VPS13B: variants seen among roughly 807,000 people sequenced by gnomAD.
The protein encoded by VPS13B is intermembrane lipid transfer protein VPS13B.
VPS13B carries 285 observed loss-of-function variants against 426.4 expected under a neutral mutation model. The ratio of observed to expected loss-of-function variants is 0.67; its 90% CI spans 0.61 to 0.74. The LOEUF (loss-of-function observed/expected upper bound fraction) is 0.74. Ranked by LOEUF, VPS13B falls within the 30% of genes least tolerant of loss-of-function variation. The pLI, the probability that VPS13B is intolerant of heterozygous loss-of-function variation, is 0.00. For missense variants in VPS13B, 4,537 were observed against 4,782.6 expected (o/e 0.95, Z 1.51); for synonymous variants, 1,676 against 1,676.4 (o/e 1.00, Z 0.01).
At chr8:99,083,277 G>C (rs1233492473) in intron 3 of VPS13B, among the ~76,000 whole-genome samples, 1 of 152,084 alleles carries the variant, frequency 6.6e-6, no homozygotes, top group African/African-American at 2.4e-5. Flanking sequence ...TTGGTGTATA[G>C]GAATGCTTGT....
chr8:99,512,728 G>T (rs1343292556), intron 29 of VPS13B, among the ~76,000 whole-genome samples: 1 of 152,288 alleles, frequency 6.6e-6, no homozygotes, highest in South Asian at 2.1e-4. Context: ...AAAGACCATG[G>T]GCTGGGCACG....
intron 19 of VPS13B, among the ~76,000 whole-genome samples, chr8:99,277,664 C>T (rs557729481): frequency 6.6e-6 from 1 of 152,272 alleles, no homozygotes; most frequent in South Asian, 2.1e-4. Context: ...CACATATTGA[C>T]ACTTCTTACT....
chr8:99,038,615 A>ATT (rs1294428056), intron 3 of VPS13B, 49 bp downstream of exon 3: 2 of 1,505,330 alleles, frequency 1.3e-6, no homozygotes, highest in Middle Eastern at 2.1e-4. Flanking sequence ...TTTTAGTAGT[A>ATT]TTTGACATTT....
At chr8:99,044,685 T>C (rs1432435011) in intron 3 of VPS13B, among the ~76,000 whole-genome samples, 1 of 152,152 alleles carries the variant, frequency 6.6e-6, no homozygotes, top group East Asian at 1.9e-4. Flanking sequence ...GTCATTCTTA[T>C]TCCTTTGCAT....
chr8:99,509,848 AT>A (rs145850993), intron 28 of VPS13B, among the ~76,000 whole-genome samples: 28,136 of 151,988 alleles, frequency 0.19, 3,070 homozygotes, highest in East Asian at 0.38. Context: ...GTTGAGGAAG[AT>A]TTTTTTCAAG....
chr8:99,597,556 T>C (rs1588534121), intron 33 of VPS13B, among the ~76,000 whole-genome samples: 1 of 152,090 alleles, frequency 6.6e-6, no homozygotes, highest in Middle Eastern at 3.4e-3. Context: ...TCTACAGATT[T>C]CTGGGAAAGT....
At chr8:99,653,187 T>G (rs1829890689) in intron 34 of VPS13B, among the ~76,000 whole-genome samples, 1 of 152,192 alleles carries the variant, frequency 6.6e-6, no homozygotes, top group African/African-American at 2.4e-5. Flanking sequence ...TTTATGAAAT[T>G]AAGTGGAAAT....
At chr8:99,188,403 G>A (rs1225207128) in intron 16 of VPS13B, among the ~76,000 whole-genome samples, 1 of 152,136 alleles carries the variant, frequency 6.6e-6, no homozygotes, top group African/African-American at 2.4e-5. Context: ...TATATAGCAT[G>A]TATCAGTATT....
At chr8:99,634,191 G>A (rs1428509831) in intron 33 of VPS13B, among the ~76,000 whole-genome samples, 1 of 151,938 alleles carries the variant, frequency 6.6e-6, no homozygotes, top group Non-Finnish European at 1.5e-5. Context: ...ACTTACCTAT[G>A]TGCCCATGTT....
intron 39 of VPS13B, 37 bp downstream of exon 39, chr8:99,721,084 G>A (rs930119634): frequency 6.2e-7 from 1 of 1,604,032 alleles, no homozygotes; most frequent in Admixed American, 1.7e-5. Context: ...TGAAAACATT[G>A]TGGGAAAGGG....
intron 22 of VPS13B, among the ~76,000 whole-genome samples, chr8:99,434,306 A>C (rs1817264488): frequency 6.6e-6 from 1 of 152,174 alleles, no homozygotes; most frequent in Non-Finnish European, 1.5e-5. Flanking sequence ...AACTAGAGTG[A>C]GTTTGGAAGT....
chr8:99,102,937 T>C lies in VPS13B; in HGVS notation c.413-16T>C. ...GAGATTTGTGGCTAATTAAATTCTT[T>C]TTTTCTATTTTATAGGTTATGTGCA... On this transcript the variant is annotated splice_polypyrimidine_tract_variant and intron_variant, in intron 4 of 61. Coordinates refer to ENST00000357162, the MANE Select transcript of VPS13B (RefSeq NM_152564.5). 1.3e-6 allele frequency: 2 copies of C among 1,588,410 alleles called. No homozygotes were observed. The highest frequency in any genetic ancestry group is 1.7e-6 in the Non-Finnish European group (2 of 1,158,130).
At chr8:99,193,460 G>T (rs1234413682) in intron 17 of VPS13B, among the ~76,000 whole-genome samples, 2 of 152,018 alleles carry the variant, frequency 1.3e-5, no homozygotes, top group African/African-American at 2.4e-5. Context: ...TTTTGTGTGT[G>T]TGTGTGAAAA....
At chr8:99,120,631 T>A (rs1484282068) in intron 7 of VPS13B, 2 of 152,480 alleles carry the variant, frequency 1.3e-5, no homozygotes, top group South Asian at 2.1e-4. Flanking sequence ...TAACTACATA[T>A]AAAAGTTGTT....
rs1333115796 is a variant in VPS13B at position 99,778,872 on chromosome 8, A to C, written c.7620A>C (p.Gln2540His). 17 of 1,613,892 alleles carry C rather than the reference A, an allele frequency of 1.1e-5. No homozygotes were observed. The highest frequency in any genetic ancestry group is 1.4e-5 in the Non-Finnish European group (17 of 1,179,934). The change falls in exon 42 of 62, where the codon CAA (glutamine) becomes CAC (histidine). Residue 2540 changes from glutamine (Q) to histidine (H), a missense_variant. Physicochemically the swap from Gln to His is conservative, Grantham distance 24. This residue lies in a region of VPS13B where 4,311 missense variants were observed against 4,474.3 expected (regional missense o/e 0.96). Coordinates refer to ENST00000357162, the MANE Select transcript of VPS13B (RefSeq NM_152564.5). ...TAGAGTGCAGAAATGTCACTATGCA[A>C]AGTGTGGTGAAACCCTTCAGCATCT... ...KLLECRNVTM[Q>H]SVVKPFSIFG... is the part of the protein sequence containing the mutation.
At chr8:99,125,945 A>G (rs1848170503) in intron 8 of VPS13B, among the ~76,000 whole-genome samples, 1 of 151,402 alleles carries the variant, frequency 6.6e-6, no homozygotes, top group South Asian at 2.1e-4. Flanking sequence ...TTTTTTAAAG[A>G]TGCAGGTAAT....
At chr8:99,606,905 G>T (rs1827622037) in intron 33 of VPS13B, among the ~76,000 whole-genome samples, 2 of 152,078 alleles carry the variant, frequency 1.3e-5, no homozygotes, top group Non-Finnish European at 2.9e-5. Context: ...ATATGTCTCT[G>T]ACTGCTCTTC....
intron 22 of VPS13B, among the ~76,000 whole-genome samples, chr8:99,436,356 A>G (rs901190093): frequency 2.6e-5 from 4 of 152,176 alleles, no homozygotes; most frequent in Admixed American, 1.3e-4. Context: ...ACTTTGAATT[A>G]ATTGTAAGTT....
intron 36 of VPS13B, among the ~76,000 whole-genome samples, chr8:99,710,579 A>C (rs1832670938): frequency 6.6e-6 from 1 of 152,280 alleles, no homozygotes; most frequent in African/African-American, 2.4e-5. Context: ...GAAAATTAAT[A>C]ACCCTGTCAT....
Sources: gnomAD v4.1 joint callset for allele counts (sites outside exome capture counted in the v4.1 genomes callset) on GRCh38, gnomAD v4.1.1 for gene constraint, gnomAD v4.1.1 regional missense constraint, MANE v1.5 for transcripts, NCBI Gene and HGNC (gene_info 2026-07-23, HGNC 2026-07-21) for gene names.